The following FURIN variants were observed in gnomAD, a reference collection of about 807,000 sequenced individuals.
FURIN encodes FES upstream region.
Under a neutral mutation model 89.2 loss-of-function variants are expected in FURIN, and 18 were observed. That is an observed-to-expected ratio of 0.20 (90% confidence interval 0.14 to 0.30). The LOEUF (loss-of-function observed/expected upper bound fraction) is 0.30, where lower values mean the gene tolerates loss of function less well. Among genes scored for constraint, FURIN ranks in the 10% least tolerant of loss-of-function variants. FURIN has a pLI of 1.00. For synonymous variants in FURIN, 508 were observed against 466.4 expected (o/e 1.09, Z -1.15); for missense variants, 879 against 1,100.5 (o/e 0.80, Z 2.85).
chr15:90,875,598 C>G lies in FURIN; in HGVS notation c.-143C>G. 3.1e-6 allele frequency: 2 copies of G among 652,096 alleles called. 1 individual carries two copies. Among genetic ancestry groups the G allele is most frequent in the South Asian group, 4.1e-5 (2 of 48,746 alleles). The allele number at this position is 652,096 out of a possible 1,614,324, so 40.4% of individuals were successfully genotyped here. A position where few individuals can be genotyped will look rare whatever the true frequency, so the allele number is the denominator to read the frequency against. On this transcript the variant is annotated 5_prime_UTR_variant, in exon 2 of 16. Transcript: ENST00000268171. The stretch of plus-strand genomic sequence containing the variant: ...TCCTCTCAGGGTCGGCACTCTTCAC[C>G]CTCCCGAGCCCTGCCCGTCTCGGCC...
At chr15:90,871,901 G>T (rs2031326597) in intron 1 of FURIN, among the ~76,000 whole-genome samples, 1 of 151,248 alleles carries the variant, frequency 6.6e-6, no homozygotes, top group Non-Finnish European at 1.5e-5. Context: ...CGCCGGGCCC[G>T]TCTCGGCCCC....
chr15:90,878,414 A>T lies in FURIN; in HGVS notation c.840+110A>T, dbSNP rs2031756258. The T allele has an allele frequency of 3.2e-6, 3 of 940,200 alleles. No individual in the cohort carries two copies. In the South Asian group the frequency reaches 5.2e-5, roughly 16 times the overall value. 58.2% of individuals were successfully genotyped at this position (940,200 alleles called of 1,614,324 possible). The stretch of plus-strand genomic sequence containing the variant: ...TATTCTCATGTTTAACTTTACACAA[A>T]GCATGTTTATTGAAACATTAAGGGA... On this transcript the variant is annotated intron_variant, in intron 8 of 15. Coordinates refer to ENST00000268171, the MANE Select transcript of FURIN (RefSeq NM_002569.4).
At position 90,878,947 on chromosome 15, in the gene FURIN, A is replaced by G; in HGVS notation, c.1024A>G (p.Ser342Gly). 6.2e-7 allele frequency: 1 copy of G among 1,607,404 alleles called. No homozygotes were observed. Among genetic ancestry groups the G allele is most frequent in the Non-Finnish European group, 8.5e-7 (1 of 1,177,180 alleles). The stretch of plus-strand genomic sequence containing the variant: ...CTCGTCCACACTGGCCACGACCTAC[A>G]GCAGTGGCAACCAGAATGAGAAGCA... ...ACSSTLATTY[S>G]SGNQNEKQIV... is the part of the protein sequence containing the mutation. The change falls in exon 9 of 16, where the codon AGC becomes GGC. Residue 342 changes from serine (S) to glycine (G), a missense_variant. Physicochemically the swap from Ser to Gly is moderately conservative, Grantham distance 56 (BLOSUM62 0). Coordinates refer to ENST00000268171, the MANE Select transcript of FURIN (RefSeq NM_002569.4).
chr15:90,877,743 T>C (rs1573643), intron 7 of FURIN, 128 bp downstream of exon 7: 219,245 of 694,376 alleles, frequency 0.32, 36,577 homozygotes, highest in African/African-American at 0.39. Flanking sequence ...GGCTGTTCCA[T>C]GGAGGGTTCC....
chr15:90,879,412 C>A lies in FURIN; in HGVS notation c.1054-32C>A, dbSNP rs759645694. On this transcript the variant is annotated intron_variant, in intron 9 of 15. Transcript: ENST00000268171. ...GGCTCCTCTAGCCCCCTCCACCCAT[C>A]ACAGGCCCCAATATGATTCTCTTCC... 4.5e-5 allele frequency: 68 copies of A among 1,509,254 alleles called. 1 individual carries two copies. In the South Asian group the frequency reaches 7.4e-4, roughly 16 times the overall value. 93.5% of individuals were successfully genotyped at this position (1,509,254 alleles called of 1,614,324 possible).
At position 90,882,758 on chromosome 15, in the gene FURIN, C is replaced by T. The variant is rs1472577069; in HGVS notation, c.*880C>T. The T allele has an allele frequency of 1.3e-5, 2 of 152,700 alleles. No homozygotes were observed. Among genetic ancestry groups the T allele is most frequent in the African/African-American group, 4.8e-5 (2 of 41,474 alleles). The allele number at this position is 152,700 out of a possible 1,614,324, so 9.5% of individuals were successfully genotyped here. On this transcript the variant is annotated 3_prime_UTR_variant, in exon 16 of 16. Coordinates refer to ENST00000268171, the MANE Select transcript of FURIN (RefSeq NM_002569.4). ...GGGGCTGTTTGAGGATATATTTTCA[C>T]TTTGTGATTATTTCACTTTAGATGC...
At chr15:90,875,955 AC>A in intron 2 of FURIN, 38 bp downstream of exon 2, 2 of 1,474,674 alleles carry the variant, frequency 1.4e-6, no homozygotes, top group Non-Finnish European at 9.2e-7. Flanking sequence ...AGGGGGTGGG[AC>A]CAGAGAAGAC....
At position 90,881,680 on chromosome 15, in the gene FURIN, C is replaced by A. The variant is rs748244204; in HGVS notation, c.2187C>A (p.Phe729Leu). Residue 729 changes from phenylalanine (F) to leucine (L), a missense_variant, in exon 16 of 16, where the codon TTC becomes TTA. Phe to Leu is a conservative substitution (Grantham distance 22). Coordinates refer to ENST00000268171, the MANE Select transcript of FURIN (RefSeq NM_002569.4). The surrounding 1 kb of genome is among the most constrained non-coding windows in gnomAD (Gnocchi z 4.3). ...GCTGCGCCTTCATCGTGCTGGTCTT[C>A]GTCACTGTCTTCCTGGTCCTGCAGC... is the stretch of plus-strand genomic sequence containing the variant. ...GLSCAFIVLV[F>L]VTVFLVLQLR... 3.2e-6 allele frequency: 5 copies of A among 1,587,270 alleles called. No homozygotes were observed. In the East Asian group the frequency reaches 9.0e-5, roughly 29 times the overall value.
chr15:90,878,496 T>G (rs554093276), intron 8 of FURIN, among the ~76,000 whole-genome samples, 192 bp downstream of exon 8: 25 of 152,364 alleles, frequency 1.6e-4, no homozygotes, highest in South Asian at 6.2e-4. Flanking sequence ...AAAACACATT[T>G]TTTTTAGAAA....
At chr15:90,873,438 C>A (rs2031431673) in intron 1 of FURIN, among the ~76,000 whole-genome samples, 1 of 152,172 alleles carries the variant, frequency 6.6e-6, no homozygotes, top group Admixed American at 6.5e-5. Context: ...CCAGATGAAC[C>A]CAGCCTCGAT....
At chr15:90,872,449 G>T (rs2031370171) in intron 1 of FURIN, among the ~76,000 whole-genome samples, 1 of 152,164 alleles carries the variant, frequency 6.6e-6, no homozygotes, top group Admixed American at 6.5e-5. Context: ...GAAGTGCGAG[G>T]AGAACCCGGG....
intron 1 of FURIN, among the ~76,000 whole-genome samples, chr15:90,872,373 C>T (rs1596073696): frequency 6.6e-6 from 1 of 152,156 alleles, no homozygotes; most frequent in Non-Finnish European, 1.5e-5. Context: ...TCATCCTCTA[C>T]CCCCTGGCCC....
chr15:90,881,956 G>T lies in FURIN; in HGVS notation c.*78G>T, dbSNP rs961209874. 81 of 1,097,316 alleles carry T rather than the reference G, an allele frequency of 7.4e-5. No homozygotes were observed. The highest frequency in any genetic ancestry group is 1.1e-4 in the Non-Finnish European group (80 of 755,278). 68.0% of individuals were successfully genotyped at this position (1,097,316 alleles called of 1,614,324 possible). ...TTCACCAAAGTATTTTTTTATCTTG[G>T]GACTGGGTTTGGACCCCAGCTGGGA... On this transcript the variant is annotated 3_prime_UTR_variant, in exon 16 of 16. Coordinates refer to ENST00000268171, the MANE Select transcript of FURIN (RefSeq NM_002569.4). This position sits in a 1 kb window ranked among gnomAD's most constrained non-coding sequence, Gnocchi z 4.3.
At position 90,876,569 on chromosome 15, in the gene FURIN, T is replaced by A. The variant is rs779703581; in HGVS notation, c.372+12T>A. On this transcript the variant is annotated intron_variant, in intron 4 of 15. Transcript: ENST00000268171. The surrounding 1 kb of genome is among the most constrained non-coding windows in gnomAD (Gnocchi z 5.0). ...AGCAGTGGTACCTGGTACGTGGCCT[T>A]CTTCGCTGCTGGGACCTCCTCCCCA... 6.4e-7 allele frequency: 1 copy of A among 1,555,548 alleles called. No homozygotes were observed. The highest frequency in any genetic ancestry group is 8.9e-7 in the Non-Finnish European group (1 of 1,126,924).
At chr15:90,878,380 T>C in intron 8 of FURIN, 76 bp downstream of exon 8, 1 of 1,234,118 alleles carries the variant, frequency 8.1e-7, no homozygotes, top group Non-Finnish European at 1.1e-6. Flanking sequence ...TTTTTTGGTT[T>C]GTTTTATTTA....
chr15:90,877,651 G>C, intron 7 of FURIN, 36 bp downstream of exon 7: 1 of 1,425,806 alleles, frequency 7.0e-7, no homozygotes, highest in Non-Finnish European at 9.6e-7. Context: ...TCTTCAGGAG[G>C]GCCCTTCAGT....
intron 9 of FURIN, 131 bp from the exon 10 acceptor site, chr15:90,879,313 T>C (rs8039305): frequency 0.46 from 325,976 of 705,890 alleles, 82,071 homozygotes; most frequent in African/African-American, 0.81. Context: ...AGCTGGGACC[T>C]GGGGTTCTTG....
In FURIN at chr15:90,880,715, GT is replaced by G; in HGVS notation, c.1584del (p.Phe528LeufsTer7). The G allele has an allele frequency of 6.2e-7, 1 of 1,614,054 alleles. No individual in the cohort carries two copies. Among genetic ancestry groups the G allele is most frequent in the Non-Finnish European group, 8.5e-7 (1 of 1,179,968 alleles). On this transcript the variant is annotated frameshift_variant, in exon 14 of 16. Transcript: ENST00000268171. LOFTEE classifies it high-confidence loss of function. ...GGCCACATGACTACTCCGCAGATGG[GT>G]TTAATGACTGGGCCTTCATGACAAC... The part of the protein sequence containing the change: ...ARPHDYSADG[F>X]NDWAFMTTHS...
Position 90,881,351 on chromosome 15 carries a change from C to A in FURIN, c.1858C>A (p.Pro620Thr). The change falls in exon 16 of 16, where the codon CCC (proline) becomes ACC (threonine). Residue 620 changes from proline to threonine, a missense_variant. By Grantham distance (38) the Pro-to-Thr change is conservative. This residue lies in a region of FURIN where 457 missense variants were observed against 490.7 expected (regional missense o/e 0.93). Coordinates refer to ENST00000268171, the MANE Select transcript of FURIN (RefSeq NM_002569.4). The surrounding 1 kb of genome is among the most constrained non-coding windows in gnomAD (Gnocchi z 4.3). ...CVQHCPPGFA[P>T]QVLDTHYSTE... ...CCAGCACTGCCCTCCAGGGTTCGCC[C>A]CCCAAGTCCTCGATACGCACTATAG... The A allele has an allele frequency of 6.2e-7, 1 of 1,612,992 alleles. No homozygotes were observed.
Sources: gnomAD v4.1 joint callset for allele counts (sites outside exome capture counted in the v4.1 genomes callset) on GRCh38, gnomAD v4.1.1 for gene constraint, gnomAD v4.1.1 regional missense constraint, Gnocchi (gnomAD v3.1) non-coding constraint, MANE v1.5 for transcripts, NCBI Gene and HGNC (gene_info 2026-07-23, HGNC 2026-07-21) for gene names.